The following OLFML2A variants were observed in gnomAD, a reference collection of about 807,000 sequenced individuals.
OLFML2A encodes olfactomedin-like protein 2A.
OLFML2A carries 47 observed loss-of-function variants against 60.9 expected under a neutral mutation model. The observed-to-expected ratio is 0.77, with a 90% CI of 0.61 to 0.98. The LOEUF (loss-of-function observed/expected upper bound fraction) is 0.98. Among genes scored for constraint, OLFML2A ranks in the 50% least tolerant of loss-of-function variants. OLFML2A has a pLI of 0.00. For missense variants in OLFML2A, 922 were observed against 879.8 expected, an observed-to-expected ratio of 1.05 and a Z score of -0.61; for synonymous variants, 372 against 375.0, an observed-to-expected ratio of 0.99 and a Z score of 0.09.
Position 124,810,488 on chromosome 9 carries a change from G to A in OLFML2A, c.*76G>A. 5 of 1,420,878 alleles carry A rather than the reference G, an allele frequency of 3.5e-6. No individual in the cohort carries two copies. Among genetic ancestry groups the A allele is most frequent in the Non-Finnish European group, 4.7e-6 (5 of 1,065,906 alleles). The allele number at this position is 1,420,878 out of a possible 1,614,324, so 88.0% of individuals were successfully genotyped here. On this transcript the variant is annotated 3_prime_UTR_variant, in exon 8 of 8. Coordinates refer to ENST00000373580, the MANE Select transcript of OLFML2A (RefSeq NM_182487.4). Reference sequence around the variant, plus strand: ...CACAGCAGCTCCTGCAACTGACCCAGTCCGCAAATATTTATTGGGGGCCAG... The same window carrying A: ...CACAGCAGCTCCTGCAACTGACCCAATCCGCAAATATTTATTGGGGGCCAG...
intron 6 of OLFML2A, among the ~76,000 whole-genome samples, chr9:124,806,750 C>A (rs1376998083): frequency 1.3e-5 from 2 of 151,964 alleles, no homozygotes; most frequent in Admixed American, 6.6e-5. Flanking sequence ...GCTGGGACTA[C>A]AGGCACCCAC....
chr9:124,794,412 A>G (rs1310926626), intron 2 of OLFML2A, among the ~76,000 whole-genome samples: 1 of 152,208 alleles, frequency 6.6e-6, no homozygotes, highest in Non-Finnish European at 1.5e-5. Flanking sequence ...TCCAGTGCCC[A>G]CTACACACCT....
chr9:124,812,240 A>C lies in OLFML2A; in HGVS notation c.*1828A>C, dbSNP rs1842034848. 1.3e-5 allele frequency: 2 copies of C among 149,282 alleles called. No homozygotes were observed. The highest frequency in any genetic ancestry group is 2.1e-4 in the South Asian group (1 of 4,736). The allele number at this position is 149,282 out of a possible 1,614,324, so 9.2% of individuals were successfully genotyped here. A position where few individuals can be genotyped will look rare whatever the true frequency, so the allele number is the denominator to read the frequency against. ...CAGTGGCGCGATCTCGGCTCACTGCAACCTCTGCCCCCTGGGTTCAAGCGA... is the reference window on the plus strand; with the variant it reads ...CAGTGGCGCGATCTCGGCTCACTGCCACCTCTGCCCCCTGGGTTCAAGCGA... On this transcript the variant is annotated 3_prime_UTR_variant, in exon 8 of 8. Coordinates refer to ENST00000373580, the MANE Select transcript of OLFML2A (RefSeq NM_182487.4).
chr9:124,792,705 C>A (rs1370015814), intron 2 of OLFML2A, among the ~76,000 whole-genome samples: 4 of 152,138 alleles, frequency 2.6e-5, no homozygotes, highest in Non-Finnish European at 4.4e-5. Flanking sequence ...CAGAGTGAAG[C>A]TGGGATCTTC....
Position 124,808,034 on chromosome 9 carries a change from C to T in OLFML2A, c.1354+68C>T, listed in dbSNP as rs553903265. 5 of 1,175,118 alleles carry T rather than the reference C, an allele frequency of 4.3e-6. No individual in the cohort carries two copies. The South Asian group carries it at 6.7e-5, about 16-fold the overall frequency. 72.8% of individuals were successfully genotyped at this position (1,175,118 alleles called of 1,614,324 possible). ...ACCTGGGGAGGGGTCCTCATGGGGA[C>T]TTGGCCTTCCTTGCCTTGTGGGTTT... On this transcript the variant is annotated intron_variant, in intron 7 of 7. Coordinates refer to ENST00000373580, the MANE Select transcript of OLFML2A (RefSeq NM_182487.4).
intron 6 of OLFML2A, among the ~76,000 whole-genome samples, chr9:124,805,808 G>GT (rs59555267): frequency 0.057 from 4,053 of 71,114 alleles, 143 homozygotes; most frequent in African/African-American, 0.083. Flanking sequence ...GGTTTTTTTG[G>GT]TTTTTTTTTT....
At position 124,810,273 on chromosome 9, in the gene OLFML2A, G is replaced by A; in HGVS notation, c.1820G>A (p.Gly607Asp). Reference sequence around the variant, plus strand: ...GCCTACGCTTTCGACACGCACACGGGCACCGACGCACGCCCCCAGCTGCCG... The same window carrying A: ...GCCTACGCTTTCGACACGCACACGGACACCGACGCACGCCCCCAGCTGCCG... ...QVAYAFDTHTGTDARPQLPFL... is the reference protein window; with the variant it reads ...QVAYAFDTHTDTDARPQLPFL... Residue 607 changes from glycine (G) to aspartate (D), a missense_variant, in exon 8 of 8, where the codon GGC becomes GAC. Transcript: ENST00000373580. 2 of 1,610,780 alleles carry A rather than the reference G, an allele frequency of 1.2e-6. No individual in the cohort carries two copies. The highest frequency in any genetic ancestry group is 1.7e-6 in the Non-Finnish European group (2 of 1,179,990).
rs886973192 is a variant in OLFML2A, at chr9:124,810,466, AG to A, written c.*55del. 2.0e-6 allele frequency: 3 copies of A among 1,511,114 alleles called. No individual in the cohort carries two copies. Among genetic ancestry groups the A allele is most frequent in the South Asian group, 2.5e-5 (2 of 79,054 alleles). 93.6% of individuals were successfully genotyped at this position (1,511,114 alleles called of 1,614,324 possible). A position where few individuals can be genotyped will look rare whatever the true frequency, so the allele number is the denominator to read the frequency against. ...CAGCAGTGCGGGAGGGGCTTTGCAC[AG>A]CAGCTCCTGCAACTGACCCAGTCCG... On this transcript the variant is annotated 3_prime_UTR_variant, in exon 8 of 8. Transcript: ENST00000373580.
rs761519374 is a variant in OLFML2A at position 124,806,409 on chromosome 9, G to A, written c.1169-1372G>A. ...CTCACATTATGTATCTTTTTTTGTG[G>A]CGAGAACACTTAAAATCTACTCTCT... is the stretch of plus-strand genomic sequence containing the variant. On this transcript the variant is annotated intron_variant, in intron 6 of 7. Coordinates refer to ENST00000373580, the MANE Select transcript of OLFML2A (RefSeq NM_182487.4). Among the ~76,000 whole-genome samples the A allele has an allele frequency of 1.7e-4, 25 of 151,274 alleles. 1 individual carries two copies. Among genetic ancestry groups the A allele is most frequent in the Admixed American group, 1.3e-4 (2 of 15,180 alleles).
chr9:124,808,668 T>G, intron 7 of OLFML2A, among the ~76,000 whole-genome samples: 1 of 149,296 alleles, frequency 6.7e-6, no homozygotes, highest in African/African-American at 2.5e-5. Flanking sequence ...GGAAGAAGAG[T>G]AGGAGTAAGC....
At chr9:124,804,020 C>T in intron 5 of OLFML2A, 74 bp from the exon 6 acceptor site, 1 of 1,538,400 alleles carries the variant, frequency 6.5e-7, no homozygotes, top group Non-Finnish European at 8.8e-7. Flanking sequence ...AGATGGGGGC[C>T]CAGTGGACCT....
rs745811827 is a variant in OLFML2A at position 124,795,018 on chromosome 9, G to A, written c.355-6G>A. On this transcript the variant is annotated splice_polypyrimidine_tract_variant and splice_region_variant and intron_variant, in intron 2 of 7. Transcript: ENST00000373580. ...CTTTGCCTAACCATCCCCCTTCCCC[G>A]GGCAGCTGCAGTCCATGGTGGATCT... 34 of 1,571,438 alleles carry A rather than the reference G, an allele frequency of 2.2e-5. No individual in the cohort carries two copies. The highest frequency in any genetic ancestry group is 6.9e-5 in the South Asian group (6 of 87,560).
At chr9:124,787,622 C>T (rs746734399) in intron 2 of OLFML2A, among the ~76,000 whole-genome samples, 7 of 150,998 alleles carry the variant, frequency 4.6e-5, no homozygotes, top group African/African-American at 1.2e-4. Flanking sequence ...TGCAGTGGCA[C>T]GATCTCGGCT....
At chr9:124,794,977 G>A (rs373445727) in intron 2 of OLFML2A, 47 bp from the exon 3 acceptor site, 18 of 1,154,674 alleles carry the variant, frequency 1.6e-5, no homozygotes, top group African/African-American at 9.1e-5. Flanking sequence ...GTGTCTGGCC[G>A]GCCATGTGCT....
In OLFML2A at chr9:124,810,068, G is replaced by C. The variant is rs78436245; in HGVS notation, c.1615G>C (p.Asp539His). 1 of 1,613,734 alleles carries C rather than the reference G, an allele frequency of 6.2e-7. No individual in the cohort carries two copies. The highest frequency in any genetic ancestry group is 8.5e-7 in the Non-Finnish European group (1 of 1,180,016). The change falls in exon 8 of 8, where the codon GAC becomes CAC. Residue 539 changes from aspartate (D) to histidine (H), a missense_variant. Asp to His is a moderately conservative substitution (Grantham distance 81). Coordinates refer to ENST00000373580, the MANE Select transcript of OLFML2A (RefSeq NM_182487.4). ...GTGGGTCATCTACCCCGCCGTGGAC[G>C]ACCGCGATGAGGCCCAGCCCGAGGT... ...GLWVIYPAVD[D>H]RDEAQPEVIV...
At chr9:124,799,240 A>T in intron 3 of OLFML2A, 45 bp from the exon 4 acceptor site, 1 of 1,381,302 alleles carries the variant, frequency 7.2e-7, no homozygotes, top group Non-Finnish European at 1.0e-6. Flanking sequence ...AGGGGTTCAG[A>T]GGAAGCTGGC....
intron 4 of OLFML2A, 113 bp from the exon 5 acceptor site, chr9:124,801,301 C>T (rs1234619527): frequency 8.7e-7 from 1 of 1,147,912 alleles, no homozygotes; most frequent in Non-Finnish European, 1.3e-6. Flanking sequence ...GTGCTTGGGA[C>T]ATAGGGCCTG....
At chr9:124,780,569 A>G (rs1841345011) in intron 1 of OLFML2A, among the ~76,000 whole-genome samples, 1 of 152,160 alleles carries the variant, frequency 6.6e-6, no homozygotes, top group African/African-American at 2.4e-5. Context: ...TGTGGGTGTA[A>G]TTGGAAACAG....
chr9:124,806,458 A>G (rs78088598), intron 6 of OLFML2A, among the ~76,000 whole-genome samples: 9,966 of 152,054 alleles, frequency 0.066, 1,065 homozygotes, highest in African/African-American at 0.22. Context: ...TCAAGTATAC[A>G]GTATGTTGAA....
Sources: gnomAD v4.1 joint callset for allele counts (sites outside exome capture counted in the v4.1 genomes callset) on GRCh38, gnomAD v4.1.1 for gene constraint, MANE v1.5 for transcripts, NCBI Gene and HGNC (gene_info 2026-07-23, HGNC 2026-07-21) for gene names.